CAMTA1: variants seen among roughly 807,000 people sequenced by gnomAD.
CAMTA1 encodes the protein calmodulin-binding transcription activator 1.
CAMTA1 carries 27 observed loss-of-function variants against 170.9 expected under a neutral mutation model. The ratio of observed to expected loss-of-function variants is 0.16; its 90% CI spans 0.12 to 0.22. CAMTA1 has a LOEUF of 0.22. Among genes scored for constraint, CAMTA1 ranks in the 10% least tolerant of loss-of-function variants. CAMTA1 has a pLI of 1.00. For missense variants in CAMTA1, 1,619 were observed against 2,217.2 expected (o/e 0.73, Z 5.42); for synonymous variants, 833 against 891.5 (o/e 0.93, Z 1.17).
At chr1:7,087,541 G>GCA (rs921194635) in intron 3 of CAMTA1, among the ~76,000 whole-genome samples, 3 of 152,170 alleles carry the variant, frequency 2.0e-5, no homozygotes, top group Non-Finnish European at 2.9e-5. Context: ...ACTCATCCAA[G>GCA]CACACTGTGG....
In CAMTA1 at chr1:7,682,152, C is replaced by T. The variant is rs2096213129; in HGVS notation, c.2914+4419C>T. 1.3e-5 allele frequency among the ~76,000 whole-genome samples: 2 copies of T among 152,186 alleles called. No individual in the cohort carries two copies. Among genetic ancestry groups the T allele is most frequent in the Non-Finnish European group, 1.5e-5 (1 of 68,040 alleles). On this transcript the variant is annotated intron_variant, in intron 11 of 22. Transcript: ENST00000303635. This position sits in a 1 kb window ranked among gnomAD's most constrained non-coding sequence, Gnocchi z 5.0. ...GCTTGGCTGGTCTCCTGGGCAGGCC[C>T]CCTTCTGGCCTCAGGGGTGAGGGGG...
intron 5 of CAMTA1, among the ~76,000 whole-genome samples, chr1:7,354,971 G>T (rs74423901): frequency 3.3e-5 from 5 of 152,096 alleles, no homozygotes; most frequent in African/African-American, 7.2e-5. Context: ...GAAGGCTGAG[G>T]GGGGTGGATT....
At chr1:7,079,352 T>C (rs1639714217) in intron 3 of CAMTA1, among the ~76,000 whole-genome samples, 1 of 152,160 alleles carries the variant, frequency 6.6e-6, no homozygotes, top group Non-Finnish European at 1.5e-5. Context: ...TTTCCAAACT[T>C]GACAAAAGCT....
At chr1:7,024,028 CAAA>C (rs35095557) in intron 3 of CAMTA1, among the ~76,000 whole-genome samples, 7 of 96,132 alleles carry the variant, frequency 7.3e-5, no homozygotes, top group Non-Finnish European at 1.0e-4. Context: ...GACTCTGTCT[CAAA>C]AAAAAAAAAA....
At chr1:7,255,200 T>C (rs568721718) in intron 5 of CAMTA1, among the ~76,000 whole-genome samples, 1 of 152,178 alleles carries the variant, frequency 6.6e-6, no homozygotes, top group Non-Finnish European at 1.5e-5. Context: ...GACAGGTTGA[T>C]GGGTGCAGCG....
At chr1:7,244,530 G>T (rs1665432067) in intron 4 of CAMTA1, among the ~76,000 whole-genome samples, 1 of 152,178 alleles carries the variant, frequency 6.6e-6, no homozygotes, top group African/African-American at 2.4e-5. Context: ...AGAAAATGTG[G>T]CACATATATA....
Position 7,738,583 on chromosome 1 carries a change from G to A in CAMTA1, c.4182+101G>A. 1.5e-6 allele frequency: 2 copies of A among 1,312,314 alleles called. No homozygotes were observed. The highest frequency in any genetic ancestry group is 1.0e-6 in the Non-Finnish European group (1 of 971,254). 81.3% of individuals were successfully genotyped at this position (1,312,314 alleles called of 1,614,324 possible). A position where few individuals can be genotyped will look rare whatever the true frequency, so the allele number is the denominator to read the frequency against. ...AAGGTTGTGTCATTTTCCTCCCCGT[G>A]AAGCCTTCGAAGTTGGCTTTGTGCA... On this transcript the variant is annotated intron_variant, in intron 16 of 22. Transcript: ENST00000303635. This position sits in a 1 kb window ranked among gnomAD's most constrained non-coding sequence, Gnocchi z 4.9.
rs150484540 is a variant in CAMTA1 at position 6,949,604 on chromosome 1, C to A, written c.234+124394C>A. Among the ~76,000 whole-genome samples, 171 of 152,352 alleles carry A rather than the reference C, an allele frequency of 1.1e-3. 1 individual carries two copies. Among genetic ancestry groups the A allele is most frequent in the Middle Eastern group, 3.4e-3 (1 of 294 alleles). ...TCCAATCCCCCTTCAGACCTTACCT[C>A]CTGAAGACCTGGATTGGAGAGGCTA... On this transcript the variant is annotated intron_variant, in intron 3 of 22. Transcript: ENST00000303635.
In CAMTA1 at chr1:7,044,178, G is replaced by A. The variant is rs764697289; in HGVS notation, c.235-47126G>A. Among the ~76,000 whole-genome samples the A allele has an allele frequency of 1.3e-5, 2 of 152,236 alleles. No homozygotes were observed. The highest frequency in any genetic ancestry group is 2.9e-5 in the Non-Finnish European group (2 of 68,038). On this transcript the variant is annotated intron_variant, in intron 3 of 22. Transcript: ENST00000303635. The surrounding 1 kb of genome is among the most constrained non-coding windows in gnomAD (Gnocchi z 5.0). ...ATATGCACACACATGCATGCACAGC[G>A]CATGGCTGGGGCTGCAGAGCAGGCG...
At chr1:7,529,045 T>C (rs2094461964) in intron 6 of CAMTA1, among the ~76,000 whole-genome samples, 1 of 152,218 alleles carries the variant, frequency 6.6e-6, no homozygotes, top group East Asian at 1.9e-4. Context: ...GTCAGCTCAC[T>C]GCTTGCAGCA....
At chr1:7,749,235 T>A (rs1372419000) in intron 19 of CAMTA1, among the ~76,000 whole-genome samples, 2 of 152,210 alleles carry the variant, frequency 1.3e-5, no homozygotes, top group African/African-American at 4.8e-5. Flanking sequence ...CACCTTGTCA[T>A]AATCCAGGAC....
intron 11 of CAMTA1, among the ~76,000 whole-genome samples, chr1:7,712,166 G>A (rs1258446468): frequency 6.6e-6 from 1 of 152,106 alleles, no homozygotes; most frequent in Non-Finnish European, 1.5e-5. Flanking sequence ...TTTGGTAAAT[G>A]GAAACAGTTT....
chr1:7,218,588 C>T (rs1161616235), intron 4 of CAMTA1, among the ~76,000 whole-genome samples: 2 of 152,134 alleles, frequency 1.3e-5, no homozygotes, highest in Non-Finnish European at 2.9e-5. Context: ...GCCAATGCTG[C>T]CCCTGCCTAC....
chr1:6,888,938 T>C (rs936698339), intron 3 of CAMTA1, among the ~76,000 whole-genome samples: 1 of 152,202 alleles, frequency 6.6e-6, no homozygotes, highest in African/African-American at 2.4e-5. Flanking sequence ...ACGAATTGTT[T>C]AAAGAACTGA....
Position 7,248,228 on chromosome 1 carries a change from G to A in CAMTA1, c.303-1263G>A, listed in dbSNP as rs967194023. 5.9e-5 allele frequency among the ~76,000 whole-genome samples: 9 copies of A among 152,270 alleles called. No homozygotes were observed. The highest frequency in any genetic ancestry group is 2.1e-4 in the South Asian group (1 of 4,822). ...CTGCTTGTGAAATGGCCCATTGTTCGTAGCAAGAAGAAAAGAAAGGCGCTG... is the reference window on the plus strand; with the variant it reads ...CTGCTTGTGAAATGGCCCATTGTTCATAGCAAGAAGAAAAGAAAGGCGCTG... On this transcript the variant is annotated intron_variant, in intron 4 of 22. Coordinates refer to ENST00000303635, the MANE Select transcript of CAMTA1 (RefSeq NM_015215.4). This position sits in a 1 kb window ranked among gnomAD's most constrained non-coding sequence, Gnocchi z 4.0.
chr1:7,398,271 G>A (rs2089599507), intron 5 of CAMTA1, among the ~76,000 whole-genome samples: 2 of 136,102 alleles, frequency 1.5e-5, no homozygotes, highest in South Asian at 4.6e-4. Context: ...CCAATGTTGG[G>A]TGCATGTGTA....
At chr1:7,225,527 G>C (rs1000352922) in intron 4 of CAMTA1, among the ~76,000 whole-genome samples, 1 of 152,214 alleles carries the variant, frequency 6.6e-6, no homozygotes, top group East Asian at 1.9e-4. Context: ...TCCCTTTCCT[G>C]GGGTTGTGGG....
intron 1 of CAMTA1, among the ~76,000 whole-genome samples, chr1:6,790,910 C>G (rs1206107176): frequency 6.6e-6 from 1 of 152,134 alleles, no homozygotes; most frequent in Non-Finnish European, 1.5e-5. Context: ...ACCATCTCCA[C>G]AACGTATATA....
rs535465850 is a variant in CAMTA1, at chr1:7,325,237, C to G, written c.438+75611C>G. On this transcript the variant is annotated intron_variant, in intron 5 of 22. Coordinates refer to ENST00000303635, the MANE Select transcript of CAMTA1 (RefSeq NM_015215.4). The surrounding 1 kb of genome is among the most constrained non-coding windows in gnomAD (Gnocchi z 5.0). ...ACAGATTCTAAACAATAAACATCCA[C>G]GAGGAAATGATAGAAGATATCAGAA... 6.6e-6 allele frequency among the ~76,000 whole-genome samples: 1 copy of G among 152,008 alleles called. No individual in the cohort carries two copies. The highest frequency in any genetic ancestry group is 6.6e-5 in the Admixed American group (1 of 15,260).
Sources: allele counts gnomAD v4.1 joint callset (sites outside exome capture counted in the v4.1 genomes callset), GRCh38; gene constraint gnomAD v4.1.1; non-coding constraint Gnocchi (gnomAD v3.1); transcripts MANE v1.5; gene names NCBI Gene and HGNC (gene_info 2026-07-23, HGNC 2026-07-21).